The following SOX5 variants were observed in gnomAD, a reference collection of about 807,000 sequenced individuals.
SOX5 encodes transcription factor SOX-5.
In SOX5, 9 loss-of-function variants were observed where a neutral mutation model predicts 92.0. The ratio of observed to expected loss-of-function variants is 0.10; its 90% CI spans 0.06 to 0.17. SOX5 has a LOEUF of 0.17. Among genes scored for constraint, SOX5 ranks in the 10% least tolerant of loss-of-function variants. SOX5 has a pLI of 1.00. For synonymous variants in SOX5, 344 were observed against 336.3 expected, an observed-to-expected ratio of 1.02 and a Z score of -0.25; for missense variants, 642 against 944.5, an observed-to-expected ratio of 0.68 and a Z score of 4.20.
At chr12:24,551,668 T>A (rs1035257649) in intron 1 of SOX5, among the ~76,000 whole-genome samples, 1 of 152,228 alleles carries the variant, frequency 6.6e-6, no homozygotes, top group Non-Finnish European at 1.5e-5. Flanking sequence ...AGAGGACTCA[T>A]GTTTTGATCC....
At chr12:23,644,876 C>T (rs1467387988) in intron 7 of SOX5, among the ~76,000 whole-genome samples, 1 of 152,144 alleles carries the variant, frequency 6.6e-6, no homozygotes, top group Admixed American at 6.5e-5. Context: ...CTTAAAACTA[C>T]TTAATTCATT....
chr12:23,785,327 T>G (rs1201999663), intron 3 of SOX5, among the ~76,000 whole-genome samples: 1 of 152,226 alleles, frequency 6.6e-6, no homozygotes, highest in East Asian at 1.9e-4. Context: ...TACCTAATTT[T>G]TCCATTTCCT....
At chr12:23,830,637 C>T (rs191510246) in intron 3 of SOX5, among the ~76,000 whole-genome samples, 3 of 152,234 alleles carry the variant, frequency 2.0e-5, no homozygotes, top group Admixed American at 6.6e-5. Context: ...TTTTCCCACC[C>T]CATCAAATGC....
intron 8 of SOX5, among the ~76,000 whole-genome samples, chr12:23,628,986 A>C (rs2078191646): frequency 6.6e-6 from 1 of 151,994 alleles, no homozygotes; most frequent in South Asian, 2.1e-4. Context: ...ATCATTTTTG[A>C]ATACTATCTT....
chr12:23,911,552 A>G lies in SOX5; in HGVS notation c.39-15528T>C, dbSNP rs80258611. Reference sequence around the variant, plus strand: ...TTTTGTTACTGTAAATGACTTATTAATAACATATAATGATTAAAACCTCTC... The same window carrying G: ...TTTTGTTACTGTAAATGACTTATTAGTAACATATAATGATTAAAACCTCTC... On this transcript the variant is annotated intron_variant, in intron 1 of 14. Transcript: ENST00000451604. Among the ~76,000 whole-genome samples, 629 of 152,210 alleles carry G rather than the reference A, an allele frequency of 4.1e-3. 4 individuals carry two copies. The highest frequency in any genetic ancestry group is 4.7e-3 in the Non-Finnish European group (316 of 67,946).
intron 1 of SOX5, among the ~76,000 whole-genome samples, chr12:24,501,328 G>A (rs1398805780): frequency 6.6e-6 from 1 of 151,258 alleles, no homozygotes; most frequent in Non-Finnish European, 1.5e-5. Flanking sequence ...CCAGGATAGG[G>A]GCAAGATATG....
chr12:24,424,173 T>C (rs1966354744), intron 1 of SOX5, among the ~76,000 whole-genome samples: 1 of 152,160 alleles, frequency 6.6e-6, no homozygotes, highest in Non-Finnish European at 1.5e-5. Flanking sequence ...GGATCTTCAG[T>C]CTGAGAATTG....
intron 4 of SOX5, among the ~76,000 whole-genome samples, chr12:24,108,230 G>C (rs1946906136): frequency 6.6e-6 from 1 of 152,032 alleles, no homozygotes; most frequent in East Asian, 1.9e-4. Flanking sequence ...TGTTCACTTT[G>C]TTCCATTTTT....
At chr12:24,537,973 T>C (rs530393948) in intron 1 of SOX5, among the ~76,000 whole-genome samples, 1 of 152,354 alleles carries the variant, frequency 6.6e-6, no homozygotes, top group African/African-American at 2.4e-5. Context: ...CTTTTATTTA[T>C]TCTGAAGTTT....
intron 2 of SOX5, among the ~76,000 whole-genome samples, chr12:24,321,380 A>T (rs1008920384): frequency 6.6e-6 from 1 of 152,236 alleles, no homozygotes; most frequent in African/African-American, 2.4e-5. Context: ...TCAAATTTTT[A>T]AAACTAAACA....
At chr12:24,374,252 CCT>C (rs1220912460) in intron 1 of SOX5, among the ~76,000 whole-genome samples, 2 of 151,904 alleles carry the variant, frequency 1.3e-5, no homozygotes, top group Non-Finnish European at 2.9e-5. Context: ...GGCTGACAGT[CCT>C]CTTTCATTGA....
At chr12:24,423,915 G>T (rs890575814) in intron 1 of SOX5, among the ~76,000 whole-genome samples, 1 of 152,194 alleles carries the variant, frequency 6.6e-6, no homozygotes, top group African/African-American at 2.4e-5. Context: ...TGACAGAGCT[G>T]CATGGAACGA....
chr12:24,429,455 A>G (rs1318828746), intron 1 of SOX5, among the ~76,000 whole-genome samples: 1 of 152,224 alleles, frequency 6.6e-6, no homozygotes, highest in African/African-American at 2.4e-5. Flanking sequence ...GTAAGTGCTC[A>G]TAAATTAAAG....
At chr12:24,003,648 A>C (rs1346663084) in intron 4 of SOX5, among the ~76,000 whole-genome samples, 1 of 152,116 alleles carries the variant, frequency 6.6e-6, no homozygotes, top group Non-Finnish European at 1.5e-5. Context: ...GAGAAATTAA[A>C]GAACCAAATA....
chr12:24,268,480 G>A (rs1334056861), intron 3 of SOX5, among the ~76,000 whole-genome samples: 1 of 152,038 alleles, frequency 6.6e-6, no homozygotes, highest in African/African-American at 2.4e-5. Flanking sequence ...AATTTACAAC[G>A]ATTTTTAAAG....
At chr12:23,981,814 ATTCT>A (rs1472959041) in intron 4 of SOX5, among the ~76,000 whole-genome samples, 5 of 152,198 alleles carry the variant, frequency 3.3e-5, no homozygotes, top group Admixed American at 6.5e-5. Context: ...TATCCAAGTT[ATTCT>A]TTCTAATTCA....
intron 11 of SOX5, among the ~76,000 whole-genome samples, chr12:23,555,909 A>G (rs963661530): frequency 2.0e-5 from 3 of 152,224 alleles, no homozygotes; most frequent in Non-Finnish European, 1.5e-5. Context: ...ACAAAAGGCT[A>G]TAGACAGCCT....
At chr12:24,381,567 A>C (rs1351333448) in intron 1 of SOX5, among the ~76,000 whole-genome samples, 3 of 152,240 alleles carry the variant, frequency 2.0e-5, no homozygotes, top group Non-Finnish European at 4.4e-5. Flanking sequence ...GTTTTTCTAA[A>C]AAAATCTCAA....
intron 9 of SOX5, among the ~76,000 whole-genome samples, chr12:23,580,732 T>C (rs933545005): frequency 6.6e-6 from 1 of 152,070 alleles, no homozygotes; most frequent in African/African-American, 2.4e-5. Flanking sequence ...ATTTACATAA[T>C]TATAGCTACG....
Sources: allele counts gnomAD v4.1 joint callset (sites outside exome capture counted in the v4.1 genomes callset), GRCh38; gene constraint gnomAD v4.1.1; transcripts MANE v1.5; gene names NCBI Gene and HGNC (gene_info 2026-07-23, HGNC 2026-07-21).